UBE2QL1: variants seen among roughly 807,000 people sequenced by gnomAD.
UBE2QL1 encodes ubiquitin-conjugating enzyme E2Q-like protein 1.
Under a neutral mutation model 12.6 loss-of-function variants are expected in UBE2QL1, and 5 were observed. The ratio of observed to expected loss-of-function variants is 0.40; its 90% confidence interval spans 0.21 to 0.83. The LOEUF is 0.83. Ranked by LOEUF, UBE2QL1 falls within the 40% of genes least tolerant of loss-of-function variation. UBE2QL1 has a pLI of 0.37. For synonymous variants in UBE2QL1, 96 were observed against 94.5 expected (o/e 1.02, Z -0.10); for missense variants, 99 against 222.6 (o/e 0.44, Z 3.53).
rs1734231508 is a variant in UBE2QL1, at chr5:6,476,361, G to A, written c.355-14857G>A. Among the ~76,000 whole-genome samples, 1 of 152,234 alleles carries A rather than the reference G, an allele frequency of 6.6e-6. No individual in the cohort carries two copies. Among genetic ancestry groups the A allele is most frequent in the Non-Finnish European group, 1.5e-5 (1 of 68,050 alleles). On this transcript the variant is annotated intron_variant, in intron 1 of 1. Coordinates refer to ENST00000399816, the MANE Select transcript of UBE2QL1 (RefSeq NM_001145161.3). The surrounding 1 kb of genome is among the most constrained non-coding windows in gnomAD (Gnocchi z 4.9). ...ATTTTGAGGTGTTTGGTTGTTAAAAGTTTTTCAGCACTTAAAGGTCTAATT... is the reference window on the plus strand; with the variant it reads ...ATTTTGAGGTGTTTGGTTGTTAAAAATTTTTCAGCACTTAAAGGTCTAATT...
chr5:6,467,949 C>T (rs557861829), intron 1 of UBE2QL1, among the ~76,000 whole-genome samples: 1 of 152,274 alleles, frequency 6.6e-6, no homozygotes, highest in African/African-American at 2.4e-5. Flanking sequence ...CCTGACTTTT[C>T]CCTCCGCCTT....
At chr5:6,470,679 G>T (rs906764279) in intron 1 of UBE2QL1, among the ~76,000 whole-genome samples, 1 of 152,198 alleles carries the variant, frequency 6.6e-6, no homozygotes, top group African/African-American at 2.4e-5. Context: ...GCCCCCAAGG[G>T]TGCAGGCTGA....
rs1377893354 is a variant in UBE2QL1 at position 6,485,443 on chromosome 5, G to A, written c.355-5775G>A. Among the ~76,000 whole-genome samples, 59 of 152,156 alleles carry A rather than the reference G, an allele frequency of 3.9e-4. 1 individual carries two copies. Among genetic ancestry groups the A allele is most frequent in the Admixed American group, 3.8e-3 (58 of 15,276 alleles). ...GAAATCCCCAATGTCTTTCCAAAGC[G>A]GACCTCCTTTGAAAGATGCTTGTAA... is the stretch of plus-strand genomic sequence containing the variant. On this transcript the variant is annotated intron_variant, in intron 1 of 1. Transcript: ENST00000399816.
intron 1 of UBE2QL1, among the ~76,000 whole-genome samples, chr5:6,452,820 G>A (rs1250773935): frequency 1.3e-5 from 2 of 152,198 alleles, no homozygotes; most frequent in African/African-American, 2.4e-5. Context: ...GGACGATGGC[G>A]TGACTGGCCA....
intron 1 of UBE2QL1, among the ~76,000 whole-genome samples, chr5:6,469,150 AG>A (rs994618378): frequency 1.3e-5 from 2 of 152,190 alleles, no homozygotes; most frequent in Non-Finnish European, 2.9e-5. Flanking sequence ...GCATTGATGG[AG>A]GGCAGCAAAT....
At chr5:6,460,603 C>G (rs1217269989) in intron 1 of UBE2QL1, among the ~76,000 whole-genome samples, 1 of 152,324 alleles carries the variant, frequency 6.6e-6, no homozygotes, top group East Asian at 1.9e-4. Flanking sequence ...TTTGCACCAT[C>G]AGGGGCTGAT....
intron 1 of UBE2QL1, among the ~76,000 whole-genome samples, chr5:6,473,948 T>C (rs1169945773): frequency 1.3e-5 from 2 of 152,240 alleles, no homozygotes; most frequent in African/African-American, 4.8e-5. Context: ...GACTTACTTC[T>C]TAGCTCCCTT....
chr5:6,495,631 G>A lies in UBE2QL1; in HGVS notation c.*4282G>A. ...CAGTTGCAAGTCTTCCAAGCCAGCT[G>A]AGAAACACCCACAGGATCCATTCTG... On this transcript the variant is annotated 3_prime_UTR_variant, in exon 2 of 2. Transcript: ENST00000399816. Among the ~76,000 whole-genome samples, 1 of 152,212 alleles carries A rather than the reference G, an allele frequency of 6.6e-6. No individual in the cohort carries two copies. Among genetic ancestry groups the A allele is most frequent in the East Asian group, 1.9e-4 (1 of 5,204 alleles).
chr5:6,451,423 A>G (rs372585011), intron 1 of UBE2QL1, among the ~76,000 whole-genome samples: 63 of 152,352 alleles, frequency 4.1e-4, no homozygotes, highest in African/African-American at 1.5e-3. Context: ...CTCTGTATTT[A>G]AAATTGAGAT....
chr5:6,453,733 A>T (rs1195238654), intron 1 of UBE2QL1, among the ~76,000 whole-genome samples: 2 of 151,516 alleles, frequency 1.3e-5, no homozygotes, highest in Non-Finnish European at 2.9e-5. Flanking sequence ...ACACACACAC[A>T]GAGACATACA....
At chr5:6,457,502 A>G (rs1295990025) in intron 1 of UBE2QL1, among the ~76,000 whole-genome samples, 2 of 152,200 alleles carry the variant, frequency 1.3e-5, no homozygotes, top group East Asian at 3.8e-4. Context: ...GATGTTTGCC[A>G]CAAGATCTGT....
At chr5:6,466,416 G>A (rs537668229) in intron 1 of UBE2QL1, among the ~76,000 whole-genome samples, 1 of 152,364 alleles carries the variant, frequency 6.6e-6, no homozygotes, top group South Asian at 2.1e-4. Context: ...GCAGCTGGCT[G>A]TGGCCCGTGG....
Position 6,449,215 on chromosome 5 carries a change from C to T in UBE2QL1, c.322C>T (p.Arg108Cys). The change falls in exon 1 of 2, where the codon CGC becomes TGC. Residue 108 changes from arginine (R) to cysteine (C), a missense_variant. Transcript: ENST00000399816. ...SSAYTVEAVM[R>C]QFAASLVKGQ... ...CGCCTACACCGTGGAGGCCGTCATG[C>T]GCCAGTTCGCAGCCAGCCTGGTCAA... is the stretch of plus-strand genomic sequence containing the variant. 1 of 1,467,214 alleles carries T rather than the reference C, an allele frequency of 6.8e-7. No homozygotes were observed. Among genetic ancestry groups the T allele is most frequent in the Non-Finnish European group, 9.1e-7 (1 of 1,104,186 alleles). The allele number at this position is 1,467,214 out of a possible 1,614,324, so 90.9% of individuals were successfully genotyped here.
At chr5:6,469,640 T>G (rs1037558004) in intron 1 of UBE2QL1, among the ~76,000 whole-genome samples, 2 of 151,140 alleles carry the variant, frequency 1.3e-5, no homozygotes, top group African/African-American at 2.4e-5. Context: ...TTAAAGTAGT[T>G]ATATAAATTT....
chr5:6,455,685 C>T (rs760316911), intron 1 of UBE2QL1, among the ~76,000 whole-genome samples: 1 of 152,120 alleles, frequency 6.6e-6, no homozygotes, highest in African/African-American at 2.4e-5. Context: ...TAATGGGCAG[C>T]CCGGGTTGGA....
chr5:6,474,016 A>G (rs1734157822), intron 1 of UBE2QL1, among the ~76,000 whole-genome samples: 1 of 152,264 alleles, frequency 6.6e-6, no homozygotes, highest in African/African-American at 2.4e-5. Context: ...GGCTGCAAAC[A>G]TAACATATTG....
chr5:6,467,033 G>A (rs1379142590), intron 1 of UBE2QL1, among the ~76,000 whole-genome samples: 1 of 152,142 alleles, frequency 6.6e-6, no homozygotes, highest in Non-Finnish European at 1.5e-5. Context: ...GTAACTTAAT[G>A]TTAGGGGTGT....
intron 1 of UBE2QL1, 43 bp downstream of exon 1, chr5:6,449,290 G>C (rs1359970527): frequency 6.1e-6 from 8 of 1,314,482 alleles, no homozygotes; most frequent in South Asian, 4.4e-5. Flanking sequence ...GGCCGAGATC[G>C]GGTCTGCAGC....
chr5:6,492,239 CT>C lies in UBE2QL1; in HGVS notation c.*891del, dbSNP rs1734586578. On this transcript the variant is annotated 3_prime_UTR_variant, in exon 2 of 2. Transcript: ENST00000399816. ...AAAGCAAAAGATGATTTCCCATTCA[CT>C]GCAGTCATCTGACTCATTTTAATAT... 6.6e-6 allele frequency: 1 copy of C among 152,268 alleles called. No homozygotes were observed. Among genetic ancestry groups the C allele is most frequent in the Admixed American group, 6.5e-5 (1 of 15,290 alleles). 9.4% of individuals were successfully genotyped at this position (152,268 alleles called of 1,614,324 possible). A position where few individuals can be genotyped will look rare whatever the true frequency, so the allele number is the denominator to read the frequency against.
Sources: gnomAD v4.1 joint callset for allele counts (sites outside exome capture counted in the v4.1 genomes callset) on GRCh38, gnomAD v4.1.1 for gene constraint, Gnocchi (gnomAD v3.1) non-coding constraint, MANE v1.5 for transcripts, NCBI Gene and HGNC (gene_info 2026-07-23, HGNC 2026-07-21) for gene names.